Variants in SLC34A1 observed in about 807,000 individuals in gnomAD.
SLC34A1 encodes sodium-dependent phosphate transport protein 2A.
Under a neutral mutation model 51.4 loss-of-function variants are expected in SLC34A1, and 57 were observed. The ratio of observed to expected loss-of-function variants is 1.11; its 90% CI spans 0.90 to 1.38. SLC34A1 has a LOEUF of 1.38. Among genes scored for constraint, SLC34A1 ranks in the 40% most tolerant of loss-of-function variants. The probability of loss-of-function intolerance (pLI) is 0.00; values close to 1 mark genes in which losing one functional copy is unlikely to be tolerated. For synonymous variants in SLC34A1, 368 were observed against 358.0 expected (o/e 1.03, Z -0.32); for missense variants, 796 against 835.6 (o/e 0.95, Z 0.58).
At position 177,388,351 on chromosome 5, in the gene SLC34A1, G is replaced by A. The variant is rs952191035; in HGVS notation, c.915G>A (p.Trp305Ter). Reference sequence around the variant, plus strand: ...GGAACCACAGTCTCATCCAGATCTGGTGCCACCCAGACTCCTTACAGGTGA... The same window carrying A: ...GGAACCACAGTCTCATCCAGATCTGATGCCACCCAGACTCCTTACAGGTGA... Reference protein sequence around the residue: ...SLRNHSLIQIWCHPDSLQAPT... With the variant: ...SLRNHSLIQI The change falls in exon 8 of 13, where the codon TGG becomes TGA. Residue 305 changes from tryptophan to a stop codon, truncating the protein, a stop_gained. Coordinates refer to ENST00000324417, the MANE Select transcript of SLC34A1 (RefSeq NM_003052.5). LOFTEE classifies it high-confidence loss of function. The surrounding 1 kb of genome is among the most constrained non-coding windows in gnomAD (Gnocchi z 4.3). The A allele has an allele frequency of 1.9e-6, 3 of 1,614,136 alleles. No individual in the cohort carries two copies. The highest frequency in any genetic ancestry group is 2.7e-5 in the African/African-American group (2 of 75,038).
At position 177,388,102 on chromosome 5, in the gene SLC34A1, G is replaced by C. The variant is rs1388472249; in HGVS notation, c.753G>C (p.Val251=). The change falls in exon 7 of 13, where the codon GTG becomes GTC. Residue 251 remains valine, a synonymous_variant. Coordinates refer to ENST00000324417, the MANE Select transcript of SLC34A1 (RefSeq NM_003052.5). This position sits in a 1 kb window ranked among gnomAD's most constrained non-coding sequence, Gnocchi z 4.3. Reference sequence around the variant, plus strand: ...ACCTGCACCACATCACTCGACTTGTGGTGGCCTCCTTCAACATCCATGGTG... The same window carrying C: ...ACCTGCACCACATCACTCGACTTGTCGTGGCCTCCTTCAACATCCATGGTG... ...TGYLHHITRL[V]VASFNIHGGR... 3 of 1,613,994 alleles carry C rather than the reference G, an allele frequency of 1.9e-6. No individual in the cohort carries two copies. Among genetic ancestry groups the C allele is most frequent in the Non-Finnish European group, 2.5e-6 (3 of 1,180,026 alleles).
chr5:177,394,854 C>T (rs1017250649), intron 10 of SLC34A1, among the ~76,000 whole-genome samples: 3 of 151,898 alleles, frequency 2.0e-5, no homozygotes, highest in Non-Finnish European at 2.9e-5. Flanking sequence ...CCACAACACC[C>T]GGCTAATTTT....
Position 177,386,455 on chromosome 5 carries a change from G to T in SLC34A1, c.421G>T (p.Ala141Ser), listed in dbSNP as rs138719745. ...KVAGDIFKDNAILSNPVAGLV... is the reference protein window; with the variant it reads ...KVAGDIFKDNSILSNPVAGLV... Reference sequence around the variant, plus strand: ...GGCTGGTGACATCTTCAAGGATAACGCCATCCTGTCCAACCCGGTGGCCGG... The same window carrying T: ...GGCTGGTGACATCTTCAAGGATAACTCCATCCTGTCCAACCCGGTGGCCGG... Residue 141 changes from alanine to serine, a missense_variant, in exon 5 of 13, where the codon GCC becomes TCC. Transcript: ENST00000324417. This position sits in a 1 kb window ranked among gnomAD's most constrained non-coding sequence, Gnocchi z 4.8. 6.2e-7 allele frequency: 1 copy of T among 1,614,124 alleles called. No individual in the cohort carries two copies. Among genetic ancestry groups the T allele is most frequent in the Non-Finnish European group, 8.5e-7 (1 of 1,179,966 alleles).
rs1762953014 is a variant in SLC34A1, at chr5:177,396,359, A to G, written c.1175-374A>G. 6.6e-6 allele frequency among the ~76,000 whole-genome samples: 1 copy of G among 152,230 alleles called. No homozygotes were observed. The highest frequency in any genetic ancestry group is 1.5e-5 in the Non-Finnish European group (1 of 68,028). Reference sequence around the variant, plus strand: ...AAAGGCCTTCAATCCAGGAGCAAAGAGGCCAAGTGGAAGCAACTGCAGTGG... The same window carrying G: ...AAAGGCCTTCAATCCAGGAGCAAAGGGGCCAAGTGGAAGCAACTGCAGTGG... On this transcript the variant is annotated intron_variant, in intron 10 of 12. Coordinates refer to ENST00000324417, the MANE Select transcript of SLC34A1 (RefSeq NM_003052.5). The surrounding 1 kb of genome is among the most constrained non-coding windows in gnomAD (Gnocchi z 4.0).
intron 8 of SLC34A1, among the ~76,000 whole-genome samples, chr5:177,390,671 C>T (rs998086088): frequency 2.0e-5 from 3 of 151,842 alleles, no homozygotes; most frequent in Admixed American, 6.6e-5. Flanking sequence ...TTCTCCTTTT[C>T]GCCACCAGGT....
Position 177,397,849 on chromosome 5 carries a change from C to G in SLC34A1, c.1483C>G (p.Arg495Gly). 2.5e-6 allele frequency: 4 copies of G among 1,613,604 alleles called. No homozygotes were observed. In the South Asian group the frequency reaches 4.4e-5, roughly 18 times the overall value. Reference protein sequence around the residue: ...ILLWYPVPCTRLPIRMAKALG... With the variant: ...ILLWYPVPCTGLPIRMAKALG... Reference sequence around the variant, plus strand: ...TCTGTGGTACCCGGTGCCCTGCACACGCCTGCCCATCCGCATGGCCAAGGC... The same window carrying G: ...TCTGTGGTACCCGGTGCCCTGCACAGGCCTGCCCATCCGCATGGCCAAGGC... The change falls in exon 13 of 13, where the codon CGC (arginine) becomes GGC (glycine). Residue 495 changes from arginine to glycine, a missense_variant. Coordinates refer to ENST00000324417, the MANE Select transcript of SLC34A1 (RefSeq NM_003052.5).
At chr5:177,387,145 C>T (rs1350792139) in intron 5 of SLC34A1, among the ~76,000 whole-genome samples, 1 of 151,076 alleles carries the variant, frequency 6.6e-6, no homozygotes, top group East Asian at 1.9e-4. Context: ...CTGAGGGGGG[C>T]AGATCACGAG....
chr5:177,391,868 C>T (rs977917841), intron 8 of SLC34A1, among the ~76,000 whole-genome samples: 2 of 152,210 alleles, frequency 1.3e-5, no homozygotes, highest in Non-Finnish European at 2.9e-5. Flanking sequence ...GGTGGCATGG[C>T]TTACCCAGGG....
chr5:177,388,119 T>G lies in SLC34A1; in HGVS notation c.770T>G (p.Ile257Ser), dbSNP rs1308923236. 2 of 1,614,058 alleles carry G rather than the reference T, an allele frequency of 1.2e-6. No individual in the cohort carries two copies. Among genetic ancestry groups the G allele is most frequent in the Non-Finnish European group, 1.7e-6 (2 of 1,180,002 alleles). Reference protein sequence around the residue: ...ITRLVVASFNIHGGRDAPDLL... With the variant: ...ITRLVVASFNSHGGRDAPDLL... ...CGACTTGTGGTGGCCTCCTTCAACA[T>G]CCATGGTGGCCGTGATGCTCCTGAC... is the stretch of plus-strand genomic sequence containing the variant. The change falls in exon 7 of 13, where the codon ATC becomes AGC. Residue 257 changes from isoleucine to serine, a missense_variant. By Grantham distance (142) the Ile-to-Ser change is moderately radical (BLOSUM62 -2). Coordinates refer to ENST00000324417, the MANE Select transcript of SLC34A1 (RefSeq NM_003052.5). The surrounding 1 kb of genome is among the most constrained non-coding windows in gnomAD (Gnocchi z 4.3).
intron 1 of SLC34A1, among the ~76,000 whole-genome samples, chr5:177,385,234 A>C (rs1036282091): frequency 6.6e-6 from 1 of 152,234 alleles, no homozygotes; most frequent in Non-Finnish European, 1.5e-5. Context: ...GCCCCAGCCC[A>C]CACCTGCAGC....
In SLC34A1 at chr5:177,396,697, C is replaced by G. The variant is rs1762979326; in HGVS notation, c.1175-36C>G. Reference sequence around the variant, plus strand: ...GGTCTGCTCTCCCAATGTCCCCGCTCTGACCCCAGCCTGCTGGGATGCGGT... The same window carrying G: ...GGTCTGCTCTCCCAATGTCCCCGCTGTGACCCCAGCCTGCTGGGATGCGGT... On this transcript the variant is annotated intron_variant, in intron 10 of 12. Transcript: ENST00000324417. This position sits in a 1 kb window ranked among gnomAD's most constrained non-coding sequence, Gnocchi z 4.0. 1 of 1,598,116 alleles carries G rather than the reference C, an allele frequency of 6.3e-7. No homozygotes were observed. The highest frequency in any genetic ancestry group is 8.6e-7 in the Non-Finnish European group (1 of 1,165,542).
intron 5 of SLC34A1, among the ~76,000 whole-genome samples, chr5:177,387,245 A>T (rs944093616): frequency 2.0e-5 from 3 of 151,816 alleles, no homozygotes; most frequent in Admixed American, 2.0e-4. Context: ...ACCAAAAAGC[A>T]TTAGCCAGGC....
rs765036417 is a variant in SLC34A1, at chr5:177,394,196, G to T, written c.1174+1G>T. ...GTCATCCAGAAGGTCATCAATACGG[G>T]TGAGCTGCGAGCAGTTGACTGGGCA... is the stretch of plus-strand genomic sequence containing the variant. On this transcript the variant is annotated splice_donor_variant, in intron 10 of 12. Transcript: ENST00000324417. LOFTEE classifies it high-confidence loss of function. 1.6e-5 allele frequency: 26 copies of T among 1,613,800 alleles called. No individual in the cohort carries two copies. The highest frequency in any genetic ancestry group is 2.2e-5 in the East Asian group (1 of 44,904).
rs772329350 is a variant in SLC34A1 at position 177,386,503 on chromosome 5, A to T, written c.469A>T (p.Thr157Ser). The T allele has an allele frequency of 6.2e-7, 1 of 1,614,188 alleles. No homozygotes were observed. Among genetic ancestry groups the T allele is most frequent in the Admixed American group, 1.7e-5 (1 of 60,028 alleles). The change falls in exon 5 of 13, where the codon ACC (threonine) becomes TCC (serine). Residue 157 changes from threonine to serine, a missense_variant. By Grantham distance (58) the Thr-to-Ser change is moderately conservative (BLOSUM62 1). Transcript: ENST00000324417. This position sits in a 1 kb window ranked among gnomAD's most constrained non-coding sequence, Gnocchi z 4.8. The part of the protein sequence containing the change: ...VAGLVVGILV[T>S]VLVQSSSTST... ...CGGGCTGGTGGTGGGGATCCTGGTG[A>T]CCGTGCTGGTGCAGAGCTCCAGCAC...
In SLC34A1 at chr5:177,385,862, TCCCACA is replaced by T. The variant is rs1561625892; in HGVS notation, c.109+16_109+21del. ...GCCCAGCCCTCAGGGTAAGTGCTGC[TCCCACA>T]CCCTGGACCCTGGTTGCCCACGGTT... On this transcript the variant is annotated intron_variant, in intron 2 of 12. Coordinates refer to ENST00000324417, the MANE Select transcript of SLC34A1 (RefSeq NM_003052.5). The T allele has an allele frequency of 6.2e-7, 1 of 1,612,234 alleles. No individual in the cohort carries two copies. The highest frequency in any genetic ancestry group is 8.5e-7 in the Non-Finnish European group (1 of 1,178,694).
chr5:177,390,191 G>A (rs1368360315), intron 8 of SLC34A1: 2 of 1,000,852 alleles, frequency 2.0e-6, no homozygotes, highest in Non-Finnish European at 2.4e-6. Flanking sequence ...AGTCTCCAGG[G>A]AAGCTATGCA....
rs2127346557 is a variant in SLC34A1, at chr5:177,386,283, C to T, written c.322C>T (p.Leu108Phe). The part of the protein sequence containing the change: ...GAMLLKVPLM[L>F]TFLYLFVCSL... ...CATGCTGCTCAAGGTGCCACTGATG[C>T]TCACCTTCCTCTACCTCTTCGTCTG... The change falls in exon 4 of 13, where the codon CTC (leucine) becomes TTC (phenylalanine). Residue 108 changes from leucine (L) to phenylalanine (F), a missense_variant. Leu to Phe is a conservative substitution (Grantham distance 22, BLOSUM62 0). Transcript: ENST00000324417. This position sits in a 1 kb window ranked among gnomAD's most constrained non-coding sequence, Gnocchi z 4.8. 1 of 1,614,256 alleles carries T rather than the reference C, an allele frequency of 6.2e-7. No individual in the cohort carries two copies. The highest frequency in any genetic ancestry group is 2.2e-5 in the East Asian group (1 of 44,884).
chr5:177,391,072 G>A (rs909522528), intron 8 of SLC34A1, among the ~76,000 whole-genome samples: 9 of 152,078 alleles, frequency 5.9e-5, no homozygotes, highest in Admixed American at 3.3e-4. Flanking sequence ...CCCACCACCC[G>A]CTTCAGGCCC....
At position 177,386,747 on chromosome 5, in the gene SLC34A1, G is replaced by A. The variant is rs1170546248; in HGVS notation, c.532+181G>A. On this transcript the variant is annotated intron_variant, in intron 5 of 12. Transcript: ENST00000324417. The surrounding 1 kb of genome is among the most constrained non-coding windows in gnomAD (Gnocchi z 4.8). The stretch of plus-strand genomic sequence containing the variant: ...ATGTGACCCAGATGATTTATGGCAA[G>A]GAACTGGCTTCCCCGATGGTAGTTT... 6.6e-6 allele frequency among the ~76,000 whole-genome samples: 1 copy of A among 152,158 alleles called. No homozygotes were observed. Among genetic ancestry groups the A allele is most frequent in the Non-Finnish European group, 1.5e-5 (1 of 68,012 alleles).
Sources: allele counts gnomAD v4.1 joint callset (sites outside exome capture counted in the v4.1 genomes callset), GRCh38; gene constraint gnomAD v4.1.1; non-coding constraint Gnocchi (gnomAD v3.1); transcripts MANE v1.5; gene names NCBI Gene and HGNC (gene_info 2026-07-23, HGNC 2026-07-21).